The following PRKAB2 variants were observed in gnomAD, a reference collection of about 807,000 sequenced individuals.
PRKAB2 encodes the protein 5'-AMP-activated protein kinase subunit beta-2.
A neutral mutation model predicts 29.8 loss-of-function variants in PRKAB2; 18 were observed. That is an observed-to-expected ratio of 0.60 (90% confidence interval 0.42 to 0.89). PRKAB2 has a LOEUF of 0.89. Among genes scored for constraint, PRKAB2 ranks in the 40% least tolerant of loss-of-function variants. The pLI, the probability that PRKAB2 is intolerant of heterozygous loss-of-function variation, is 0.00. For missense variants in PRKAB2, 270 were observed against 344.3 expected, an observed-to-expected ratio of 0.78 and a Z score of 1.71; for synonymous variants, 136 against 125.9, an observed-to-expected ratio of 1.08 and a Z score of -0.54.
chr1:147,169,480 G>C (rs1297770214), intron 2 of PRKAB2, among the ~76,000 whole-genome samples: 10 of 152,020 alleles, frequency 6.6e-5, no homozygotes, highest in African/African-American at 2.4e-4. Flanking sequence ...TAAGATCTGG[G>C]AACCTATTTT....
rs1473133347 is a variant in PRKAB2 at position 147,157,460 on chromosome 1, C to T, written c.*2105G>A. The T allele has an allele frequency of 1.3e-5, 2 of 152,106 alleles. No individual in the cohort carries two copies. The highest frequency in any genetic ancestry group is 2.9e-5 in the Non-Finnish European group (2 of 68,008). 9.4% of individuals were successfully genotyped at this position (152,106 alleles called of 1,614,324 possible). The stretch of plus-strand genomic sequence containing the variant: ...AAAACCTACTGTCACAGGGGGCTGA[C>T]GCATTTCACAAAAGCCTCAGGCCTG... On this transcript the variant is annotated 3_prime_UTR_variant, in exon 8 of 8. Transcript: ENST00000254101.
intron 6 of PRKAB2, 79 bp from the exon 7 acceptor site, chr1:147,161,859 C>T: frequency 8.7e-7 from 1 of 1,145,392 alleles, no homozygotes; most frequent in Non-Finnish European, 1.2e-6. Flanking sequence ...GCTTACTCTT[C>T]CTCAGAGCTC....
At chr1:147,164,766 G>A (rs138749770) in intron 5 of PRKAB2, among the ~76,000 whole-genome samples, 7 of 152,246 alleles carry the variant, frequency 4.6e-5, no homozygotes, top group Admixed American at 3.3e-4. Context: ...GATTATAAGC[G>A]TTACCTCAAT....
At position 147,156,934 on chromosome 1, in the gene PRKAB2, C is replaced by T. The variant is rs1653703895; in HGVS notation, c.*2631G>A. The stretch of plus-strand genomic sequence containing the variant: ...TCAACCCTTTATTCTATTATTACTT[C>T]TCAGCTCAGTCACTCTTCTCTTCCC... On this transcript the variant is annotated 3_prime_UTR_variant, in exon 8 of 8. Transcript: ENST00000254101. 6.6e-6 allele frequency: 1 copy of T among 152,116 alleles called. No individual in the cohort carries two copies. Among genetic ancestry groups the T allele is most frequent in the African/African-American group, 2.4e-5 (1 of 41,410 alleles). 9.4% of individuals were successfully genotyped at this position (152,116 alleles called of 1,614,324 possible). A position where few individuals can be genotyped will look rare whatever the true frequency, so the allele number is the denominator to read the frequency against.
rs370694870 is a variant in PRKAB2, at chr1:147,155,804, A to T, written c.*3761T>A. The T allele has an allele frequency of 2.6e-5, 4 of 152,722 alleles. No individual in the cohort carries two copies. Among genetic ancestry groups the T allele is most frequent in the East Asian group, 1.9e-4 (1 of 5,176 alleles). The allele number at this position is 152,722 out of a possible 1,614,324, so 9.5% of individuals were successfully genotyped here. On this transcript the variant is annotated 3_prime_UTR_variant, in exon 8 of 8. Coordinates refer to ENST00000254101, the MANE Select transcript of PRKAB2 (RefSeq NM_005399.5). ...AACTGAGAAAAGCAAATCCAGACAA[A>T]GCCCAAACTAGAATCCTAGAGCGAT...
In PRKAB2 at chr1:147,158,518, C is replaced by T. The variant is rs1653785793; in HGVS notation, c.*1047G>A. 1 of 151,910 alleles carries T rather than the reference C, an allele frequency of 6.6e-6. No individual in the cohort carries two copies. Among genetic ancestry groups the T allele is most frequent in the Non-Finnish European group, 1.5e-5 (1 of 67,992 alleles). 9.4% of individuals were successfully genotyped at this position (151,910 alleles called of 1,614,324 possible). On this transcript the variant is annotated 3_prime_UTR_variant, in exon 8 of 8. Transcript: ENST00000254101. The stretch of plus-strand genomic sequence containing the variant: ...TCTTTGAAGAAGCATTTATCAAAAG[C>T]CTGAAATTCTCCAATGCGGTCTCTT...
chr1:147,163,777 A>T (rs1553913352), intron 5 of PRKAB2, among the ~76,000 whole-genome samples: 1 of 152,168 alleles, frequency 6.6e-6, no homozygotes, highest in Non-Finnish European at 1.5e-5. Flanking sequence ...TGTGATAATC[A>T]CATAACTCTG....
rs1553912774 is a variant in PRKAB2 at position 147,159,225 on chromosome 1, C to G, written c.*340G>C. ...GGATCCTAAGAGTTTGCTGTTCTTT[C>G]ATTTTAGGAAAAATCTTCCTATATA... On this transcript the variant is annotated 3_prime_UTR_variant, in exon 8 of 8. Transcript: ENST00000254101. 4.4e-6 allele frequency: 1 copy of G among 225,550 alleles called. No homozygotes were observed. The highest frequency in any genetic ancestry group is 8.7e-6 in the Non-Finnish European group (1 of 114,824). The allele number at this position is 225,550 out of a possible 1,614,324, so 14.0% of individuals were successfully genotyped here. A position where few individuals can be genotyped will look rare whatever the true frequency, so the allele number is the denominator to read the frequency against.
In PRKAB2 at chr1:147,166,725, A is replaced by T. The variant is rs1553913749; in HGVS notation, c.418-107T>A. The T allele has an allele frequency of 1.9e-6, 3 of 1,554,722 alleles. No homozygotes were observed. In the South Asian group the frequency reaches 3.5e-5, roughly 18 times the overall value. On this transcript the variant is annotated intron_variant, in intron 4 of 7. Coordinates refer to ENST00000254101, the MANE Select transcript of PRKAB2 (RefSeq NM_005399.5). ...TTACACGATTGTTCTCAGCACCTCC[A>T]CGTTTTATCAAGAGAGAAATCCTCC...
At chr1:147,167,955 C>A (rs911938916) in intron 2 of PRKAB2, 22 bp from the exon 3 acceptor site, 2 of 1,598,582 alleles carry the variant, frequency 1.3e-6, no homozygotes, top group African/African-American at 2.7e-5. Context: ...AGTAGGTCAT[C>A]CCTAGAATAA....
Position 147,167,962 on chromosome 1 carries a change from A to G in PRKAB2, c.157-29T>C, listed in dbSNP as rs782711013. ...TAAGAAGGAGTAGGTCATCCCTAGA[A>G]TAAACTGTGACCCAAGAATTCTAAA... is the stretch of plus-strand genomic sequence containing the variant. On this transcript the variant is annotated intron_variant, in intron 2 of 7. Transcript: ENST00000254101. The G allele has an allele frequency of 1.9e-6, 3 of 1,589,532 alleles. No homozygotes were observed. In the South Asian group the frequency reaches 3.4e-5, roughly 18 times the overall value.
intron 7 of PRKAB2, among the ~76,000 whole-genome samples, chr1:147,160,641 T>C (rs1653907916): frequency 6.6e-6 from 1 of 152,066 alleles, no homozygotes; most frequent in Non-Finnish European, 1.5e-5. Context: ...GCAAGGCAGG[T>C]AAACAATTCA....
intron 6 of PRKAB2, 114 bp from the exon 7 acceptor site, chr1:147,161,894 G>T: frequency 1.3e-6 from 1 of 786,220 alleles, no homozygotes; most frequent in East Asian, 2.8e-5. Flanking sequence ...ACTAGAATGC[G>T]CTATCTCTTT....
Position 147,161,782 on chromosome 1 carries a change from T to C in PRKAB2, c.673-2A>G. On this transcript the variant is annotated splice_acceptor_variant, in intron 6 of 7. Transcript: ENST00000254101. LOFTEE classifies it high-confidence loss of function. Reference sequence around the variant, plus strand: ...CTCAGGGAGTAAGGCTGGGTCACACTAAGAGAAAGAGAAAAAAATTACTAA... The same window carrying C: ...CTCAGGGAGTAAGGCTGGGTCACACCAAGAGAAAGAGAAAAAAATTACTAA... 1 of 1,600,944 alleles carries C rather than the reference T, an allele frequency of 6.2e-7. No individual in the cohort carries two copies. Among genetic ancestry groups the C allele is most frequent in the Non-Finnish European group, 8.5e-7 (1 of 1,174,230 alleles).
rs1653788958 is a variant in PRKAB2 at position 147,158,579 on chromosome 1, A to G, written c.*986T>C. On this transcript the variant is annotated 3_prime_UTR_variant, in exon 8 of 8. Transcript: ENST00000254101. ...AAAAGGCATTTTTTAATTAAAAAAA[A>G]AATGCAGGCACATAAAAATCTTTCA... 1 of 152,140 alleles carries G rather than the reference A, an allele frequency of 6.6e-6. No homozygotes were observed. Among genetic ancestry groups the G allele is most frequent in the South Asian group, 2.1e-4 (1 of 4,830 alleles). 9.4% of individuals were successfully genotyped at this position (152,140 alleles called of 1,614,324 possible).
rs373087639 is a variant in PRKAB2, at chr1:147,167,759, C to T, written c.323+8G>A. On this transcript the variant is annotated splice_region_variant and intron_variant, in intron 3 of 7. Coordinates refer to ENST00000254101, the MANE Select transcript of PRKAB2 (RefSeq NM_005399.5). ...TGGACCCTTAGATTCAACCAAGACA[C>T]TTGTCACCTCTTAATCAGTGGAATC... 17 of 1,611,268 alleles carry T rather than the reference C, an allele frequency of 1.1e-5. No homozygotes were observed. Among genetic ancestry groups the T allele is most frequent in the Non-Finnish European group, 1.0e-5 (12 of 1,178,714 alleles).
chr1:147,170,275 A>G lies in PRKAB2; in HGVS notation c.156+1714T>C, dbSNP rs909474794. Among the ~76,000 whole-genome samples, 3 of 152,304 alleles carry G rather than the reference A, an allele frequency of 2.0e-5. No homozygotes were observed. In the East Asian group the frequency reaches 5.8e-4, roughly 29 times the overall value. ...ATATGAATAATTTTCTTAATTCACA[A>G]ATGCCAAGACTGAGGTGAGAGATAA... is the stretch of plus-strand genomic sequence containing the variant. On this transcript the variant is annotated intron_variant, in intron 2 of 7. Transcript: ENST00000254101.
At chr1:147,169,753 T>C (rs587719587) in intron 2 of PRKAB2, among the ~76,000 whole-genome samples, 2 of 152,346 alleles carry the variant, frequency 1.3e-5, no homozygotes, top group East Asian at 1.9e-4. Context: ...GGCATGTATA[T>C]AGATGTCATT....
chr1:147,165,888 C>G (rs1457642905), intron 5 of PRKAB2, among the ~76,000 whole-genome samples: 3 of 152,268 alleles, frequency 2.0e-5, no homozygotes, highest in Admixed American at 1.3e-4. Context: ...GCCTCGACCT[C>G]CTGGGCTCAA....
Sources: allele counts gnomAD v4.1 joint callset (sites outside exome capture counted in the v4.1 genomes callset), GRCh38; gene constraint gnomAD v4.1.1; transcripts MANE v1.5; gene names NCBI Gene and HGNC (gene_info 2026-07-23, HGNC 2026-07-21).